HARS1: variants seen among roughly 807,000 people sequenced by gnomAD.
HARS1 encodes the protein histidyl-tRNA synthetase 1, also known as histidine--tRNA ligase, cytoplasmic.
Under a neutral mutation model 63.6 loss-of-function variants are expected in HARS1, and 45 were observed. The observed-to-expected ratio is 0.71, with a 90% CI of 0.56 to 0.91. The LOEUF is 0.91. HARS1 is among the 40% of genes least tolerant of loss of function. The probability of loss-of-function intolerance (pLI) is 0.00; values close to 1 mark genes in which losing one functional copy is unlikely to be tolerated. For missense variants in HARS1, 508 were observed against 643.2 expected (o/e 0.79, Z 2.27); for synonymous variants, 205 against 247.1 (o/e 0.83, Z 1.60).
At position 140,691,348 on chromosome 5, in the gene HARS1, G is replaced by A. The variant is rs752258517; in HGVS notation, c.-44C>T. The A allele has an allele frequency of 3.4e-6, 5 of 1,465,926 alleles. No individual in the cohort carries two copies. In the East Asian group the frequency reaches 9.2e-5, roughly 27 times the overall value. The allele number at this position is 1,465,926 out of a possible 1,614,324, so 90.8% of individuals were successfully genotyped here. On this transcript the variant is annotated 5_prime_UTR_variant, in exon 1 of 13. Coordinates refer to ENST00000504156, the MANE Select transcript of HARS1 (RefSeq NM_002109.6). The stretch of plus-strand genomic sequence containing the variant: ...CCGCCTGCTGTCTCGACCTGCGGTG[G>A]TTGCCCCAGCCTCAGCAAGGATGAC...
In HARS1 at chr5:140,683,231, A is replaced by G; in HGVS notation, c.181-12T>C. The stretch of plus-strand genomic sequence containing the variant: ...TAGTCTCTTGTGCCCTTGGAGTTGA[A>G]ATCAGCCAGAGAACCAGAAATGAGG... On this transcript the variant is annotated splice_polypyrimidine_tract_variant and intron_variant, in intron 2 of 12. Coordinates refer to ENST00000504156, the MANE Select transcript of HARS1 (RefSeq NM_002109.6). 1 of 1,612,042 alleles carries G rather than the reference A, an allele frequency of 6.2e-7. No homozygotes were observed.
chr5:140,678,884 C>A, intron 5 of HARS1, 118 bp downstream of exon 5: 1 of 1,069,930 alleles, frequency 9.3e-7, no homozygotes, highest in South Asian at 1.6e-5. Flanking sequence ...CATAGAAACC[C>A]TAAGAGCATT....
intron 2 of HARS1, chr5:140,684,329 AAAAAT>A: frequency 1.0e-6 from 1 of 981,346 alleles, no homozygotes; most frequent in South Asian, 4.7e-5. Context: ...CCAAACAAAC[AAAAAT>A]AATAACAACA....
At chr5:140,684,067 A>C (rs1758880973) in intron 2 of HARS1, 1 of 152,168 alleles carries the variant, frequency 6.6e-6, no homozygotes, top group Non-Finnish European at 1.5e-5. Context: ...AGGCGGGCGG[A>C]TCACGAAGTC....
intron 7 of HARS1, 79 bp from the exon 8 acceptor site, chr5:140,677,499 C>T (rs1758453099): frequency 1.6e-6 from 2 of 1,220,464 alleles, no homozygotes; most frequent in Admixed American, 1.7e-5. Context: ...CTCGGGGAAC[C>T]GTTTTAGAGC....
chr5:140,691,319 T>A lies in HARS1; in HGVS notation c.-15A>T, dbSNP rs1759423171. 1 of 1,592,172 alleles carries A rather than the reference T, an allele frequency of 6.3e-7. No individual in the cohort carries two copies. The highest frequency in any genetic ancestry group is 1.7e-5 in the Admixed American group (1 of 58,462). ...CGCTCTGCCATCCCGGCTGTCCACT[T>A]GAGCCGCCTGCTGTCTCGACCTGCG... is the stretch of plus-strand genomic sequence containing the variant. On this transcript the variant is annotated 5_prime_UTR_variant, in exon 1 of 13. Transcript: ENST00000504156.
chr5:140,678,263 G>A (rs1758511565), intron 5 of HARS1: 1 of 544,754 alleles, frequency 1.8e-6, no homozygotes, highest in East Asian at 3.1e-5. Flanking sequence ...CCTACTGGAT[G>A]GGGTGATTAT....
intron 2 of HARS1, chr5:140,687,439 A>C (rs1759106635): frequency 6.6e-6 from 1 of 152,130 alleles, no homozygotes. Context: ...CCAGATACTC[A>C]GGAGGCTGAG....
Position 140,690,914 on chromosome 5 carries a change from G to A in HARS1, c.121C>T (p.Leu41=), listed in dbSNP as rs1759378495. The A allele has an allele frequency of 2.5e-6, 4 of 1,609,602 alleles. No homozygotes were observed. The highest frequency in any genetic ancestry group is 3.4e-6 in the Non-Finnish European group (4 of 1,176,000). ...TCATCAGGACCCAGCTGTGCCTTCA[G>A]TTTCAGGAGTTTCGCCACCTCCTCC... ...IEEEVAKLLK[L]KAQLGPDESK... is the part of the protein sequence containing the mutation. The change falls in exon 2 of 13, where the codon CTG becomes TTG. Residue 41 remains leucine (L), a synonymous_variant. Coordinates refer to ENST00000504156, the MANE Select transcript of HARS1 (RefSeq NM_002109.6).
intron 2 of HARS1, among the ~76,000 whole-genome samples, chr5:140,688,357 T>C (rs1464059093): frequency 6.6e-6 from 1 of 152,220 alleles, no homozygotes; most frequent in Non-Finnish European, 1.5e-5. Context: ...ACCATTAACA[T>C]CTGCTATTCT....
In HARS1 at chr5:140,691,242, G is replaced by C; in HGVS notation, c.63C>G (p.Leu21=). 4 of 1,607,706 alleles carry C rather than the reference G, an allele frequency of 2.5e-6. No homozygotes were observed. Among genetic ancestry groups the C allele is most frequent in the Non-Finnish European group, 2.5e-6 (3 of 1,179,044 alleles). ...GCTCGGCGCTGGCCTTCTGCTGCTTGAGGCCTCGCACGCGCTCTCCCTGAA... is the reference window on the plus strand; with the variant it reads ...GCTCGGCGCTGGCCTTCTGCTGCTTCAGGCCTCGCACGCGCTCTCCCTGAA... ...VKLQGERVRG[L]KQQKASAELI... Residue 21 remains leucine, a synonymous_variant, in exon 1 of 13, where the codon CTC becomes CTG. Coordinates refer to ENST00000504156, the MANE Select transcript of HARS1 (RefSeq NM_002109.6).
chr5:140,688,222 T>C (rs1259186615), intron 2 of HARS1, among the ~76,000 whole-genome samples: 2 of 152,250 alleles, frequency 1.3e-5, no homozygotes, highest in Non-Finnish European at 2.9e-5. Flanking sequence ...AGTTTTCTAT[T>C]GTTAATACTA....
chr5:140,691,171 C>T (rs1443706968), intron 1 of HARS1, 44 bp downstream of exon 1: 11 of 1,428,708 alleles, frequency 7.7e-6, no homozygotes, highest in Admixed American at 3.5e-5. Flanking sequence ...TTTACGTCCT[C>T]CCAGGCTTTG....
At chr5:140,677,186 C>G in intron 8 of HARS1, 70 bp from the exon 9 acceptor site, 6 of 1,564,874 alleles carry the variant, frequency 3.8e-6, no homozygotes, top group Non-Finnish European at 5.3e-6. Flanking sequence ...ACCTTCTTGC[C>G]TGGACTCTAG....
At chr5:140,688,103 CAAACAAAACAAAACAAAACAAAACA>C (rs59554063) in intron 2 of HARS1, among the ~76,000 whole-genome samples, 5 of 150,576 alleles carry the variant, frequency 3.3e-5, no homozygotes, top group East Asian at 3.9e-4. Context: ...GACTCCGTCT[CAAACAAAACAAAACAAAACAAAACA>C]AAACAAAACA....
chr5:140,676,373 T>G lies in HARS1; in HGVS notation c.1194+281A>C. The G allele has an allele frequency of 4.8e-6, 2 of 412,550 alleles. No individual in the cohort carries two copies. Among genetic ancestry groups the G allele is most frequent in the East Asian group, 4.3e-5 (1 of 23,206 alleles). The allele number at this position is 412,550 out of a possible 1,614,324, so 25.6% of individuals were successfully genotyped here. On this transcript the variant is annotated intron_variant, in intron 10 of 12. Transcript: ENST00000504156. This position sits in a 1 kb window ranked among gnomAD's most constrained non-coding sequence, Gnocchi z 4.1. ...GTAAAATGTTAAGTATTCCGTATCA[T>G]GAGGAAGATCTAAGTCTTGGATACA...
Position 140,674,368 on chromosome 5 carries a change from C to CATTCCACTGCT in HARS1, c.1459-51_1459-41dup, listed in dbSNP as rs781045010. On this transcript the variant is annotated intron_variant, in intron 12 of 12. Transcript: ENST00000504156. Reference sequence around the variant, plus strand: ...AGAAGAAGGTGGTATAAGCATCTTCCATTCCACTGCTCCCCGAGTGCCTAG... The same window carrying CATTCCACTGCT: ...AGAAGAAGGTGGTATAAGCATCTTCCATTCCACTGCTATTCCACTGCTCCCCGAGTGCCTAG... The CATTCCACTGCT allele has an allele frequency of 2.3e-6, 3 of 1,311,566 alleles. No individual in the cohort carries two copies. In the South Asian group the frequency reaches 3.5e-5, roughly 15 times the overall value. 81.2% of individuals were successfully genotyped at this position (1,311,566 alleles called of 1,614,324 possible).
chr5:140,684,655 C>A (rs905491033), intron 2 of HARS1: 1 of 152,640 alleles, frequency 6.6e-6, no homozygotes, highest in Admixed American at 6.5e-5. Flanking sequence ...GGCTTTTATA[C>A]CCTACTCCAA....
At chr5:140,688,538 T>C (rs1324102813) in intron 2 of HARS1, among the ~76,000 whole-genome samples, 2 of 152,214 alleles carry the variant, frequency 1.3e-5, no homozygotes, top group Admixed American at 6.5e-5. Context: ...AGCAACTCCT[T>C]AATATTATCT....
Sources: gnomAD v4.1 joint callset for allele counts (sites outside exome capture counted in the v4.1 genomes callset) on GRCh38, gnomAD v4.1.1 for gene constraint, Gnocchi (gnomAD v3.1) non-coding constraint, MANE v1.5 for transcripts, NCBI Gene and HGNC (gene_info 2026-07-23, HGNC 2026-07-21) for gene names.